CAPN10: variants seen among roughly 807,000 people sequenced by gnomAD.
CAPN10 encodes calpain-10.
A neutral mutation model predicts 78.4 loss-of-function variants in CAPN10; 71 were observed. The observed-to-expected ratio is 0.91, with a 90% CI of 0.75 to 1.10. The LOEUF (loss-of-function observed/expected upper bound fraction) is 1.10, where lower values mean the gene tolerates loss of function less well. Ranked by LOEUF, CAPN10 falls within the 50% of genes least tolerant of loss-of-function variation. The pLI, the probability that CAPN10 is intolerant of heterozygous loss-of-function variation, is 0.00. For synonymous variants in CAPN10, 437 were observed against 407.2 expected (o/e 1.07, Z -0.88); for missense variants, 849 against 924.6 (o/e 0.92, Z 1.06).
At chr2:240,588,031 G>C (rs2093078949) in intron 1 of CAPN10, among the ~76,000 whole-genome samples, 1 of 152,168 alleles carries the variant, frequency 6.6e-6, no homozygotes, top group Non-Finnish European at 1.5e-5. Flanking sequence ...ATTGGTTTGA[G>C]ACGTACCTTG....
Position 240,598,772 on chromosome 2 carries a change from G to A in CAPN10, c.*92G>A, listed in dbSNP as rs1297865213. ...GGCCGGCCAGCCTTGCACTGTGGGG[G>A]CTGGTCCTGAGTCTTGGCCTGCCTC... On this transcript the variant is annotated 3_prime_UTR_variant, in exon 12 of 12. Transcript: ENST00000391984. 21 of 1,263,798 alleles carry A rather than the reference G, an allele frequency of 1.7e-5. No individual in the cohort carries two copies. The Admixed American group carries it at 3.0e-4, about 18-fold the overall frequency. The allele number at this position is 1,263,798 out of a possible 1,614,324, so 78.3% of individuals were successfully genotyped here.
chr2:240,595,404 T>G (rs1190465492), intron 7 of CAPN10, 100 bp downstream of exon 7: 3 of 1,295,738 alleles, frequency 2.3e-6, no homozygotes, highest in Non-Finnish European at 3.2e-6. Context: ...CACATGTGAC[T>G]CTGCCACGGG....
At chr2:240,592,508 G>A in intron 4 of CAPN10, 1 of 501,064 alleles carries the variant, frequency 2.0e-6, no homozygotes, top group Non-Finnish European at 4.0e-6. Context: ...AAAACAGTTT[G>A]TCTCCAAAAA....
At position 240,589,443 on chromosome 2, in the gene CAPN10, C is replaced by T. The variant is rs745593937; in HGVS notation, c.242C>T (p.Ala81Val). Reference protein sequence around the residue: ...GDCWFLCACAALQKSRHLLDQ... With the variant: ...GDCWFLCACAVLQKSRHLLDQ... ...TGCTGGTTCCTGTGTGCCTGCGCCG[C>T]GCTGCAGAAGAGCAGGCACCTCCTG... is the stretch of plus-strand genomic sequence containing the variant. The change falls in exon 2 of 12, where the codon GCG becomes GTG. Residue 81 changes from alanine (A) to valine (V), a missense_variant. Ala to Val is a moderately conservative substitution (Grantham distance 64, BLOSUM62 0). Coordinates refer to ENST00000391984, the MANE Select transcript of CAPN10 (RefSeq NM_023083.4). 1.5e-5 allele frequency: 25 copies of T among 1,613,742 alleles called. No homozygotes were observed. Among genetic ancestry groups the T allele is most frequent in the Middle Eastern group, 1.6e-4 (1 of 6,082 alleles).
chr2:240,587,523 C>T (rs2093076361), intron 1 of CAPN10, among the ~76,000 whole-genome samples: 2 of 152,254 alleles, frequency 1.3e-5, no homozygotes. Context: ...CTAGAAATGG[C>T]ACCTCCAAGG....
Position 240,598,029 on chromosome 2 carries a change from A to G in CAPN10, c.1885A>G (p.Thr629Ala), listed in dbSNP as rs1233194625. 1 of 1,612,930 alleles carries G rather than the reference A, an allele frequency of 6.2e-7. No homozygotes were observed. The highest frequency in any genetic ancestry group is 1.7e-5 in the Admixed American group (1 of 59,996). The part of the protein sequence containing the change: ...PAGTYKVVPS[T>A]YLPDTEGAFT... ...GGGCACCTACAAGGTTGTGCCCTCC[A>G]CCTACCTGCCGGACACAGAGGGGGC... Residue 629 changes from threonine to alanine, a missense_variant, in exon 10 of 12, where the codon ACC (threonine) becomes GCC (alanine). Physicochemically the swap from Thr to Ala is moderately conservative, Grantham distance 58. Transcript: ENST00000391984.
chr2:240,598,553 G>T, intron 11 of CAPN10, 98 bp from the exon 12 acceptor site: 1 of 1,464,452 alleles, frequency 6.8e-7, no homozygotes, highest in Non-Finnish European at 9.4e-7. Context: ...AAGGGCAGGG[G>T]GAGCTGAGGC....
At position 240,586,807 on chromosome 2, in the gene CAPN10, G is replaced by A; in HGVS notation, c.-105G>A. On this transcript the variant is annotated 5_prime_UTR_variant, in exon 1 of 12. Coordinates refer to ENST00000391984, the MANE Select transcript of CAPN10 (RefSeq NM_023083.4). ...CGGGCTTGGAGGGCTGGGCCGGGCG[G>A]GGAACGGGCGGGGCGGGCCGGAGGC... is the stretch of plus-strand genomic sequence containing the variant. 1 of 1,162,608 alleles carries A rather than the reference G, an allele frequency of 8.6e-7. No homozygotes were observed. The highest frequency in any genetic ancestry group is 1.1e-6 in the Non-Finnish European group (1 of 906,356). The allele number at this position is 1,162,608 out of a possible 1,614,324, so 72.0% of individuals were successfully genotyped here. A position where few individuals can be genotyped will look rare whatever the true frequency, so the allele number is the denominator to read the frequency against.
intron 4 of CAPN10, among the ~76,000 whole-genome samples, chr2:240,593,499 G>A (rs936896829): frequency 6.6e-6 from 1 of 152,266 alleles, no homozygotes; most frequent in African/African-American, 2.4e-5. Context: ...CTATCTGAAT[G>A]TCCTACCTCT....
chr2:240,595,446 G>A, intron 7 of CAPN10, 142 bp downstream of exon 7: 1 of 899,392 alleles, frequency 1.1e-6, no homozygotes, highest in Non-Finnish European at 1.7e-6. Context: ...TTGGGCTGTT[G>A]CACGGGGTTG....
At chr2:240,593,676 G>A (rs186964912) in intron 4 of CAPN10, among the ~76,000 whole-genome samples, 164 of 152,326 alleles carry the variant, frequency 1.1e-3, no homozygotes, top group Non-Finnish European at 1.4e-3. Context: ...GACCCGGATG[G>A]CAGCCGAGTC....
chr2:240,592,105 A>C lies in CAPN10; in HGVS notation c.643A>C (p.Lys215Gln), dbSNP rs1422764192. The change falls in exon 4 of 12, where the codon AAG becomes CAG. Residue 215 changes from lysine to glutamine, a missense_variant. Lys to Gln is a moderately conservative substitution (Grantham distance 53). Transcript: ENST00000391984. ...HRTCRQLLHL[K>Q]DQCLISCCVL... Reference sequence around the variant, plus strand: ...GACTTGTCGGCAGCTGCTCCACCTGAAGGACCAGTGTCTGATCAGCTGCTG... The same window carrying C: ...GACTTGTCGGCAGCTGCTCCACCTGCAGGACCAGTGTCTGATCAGCTGCTG... The C allele has an allele frequency of 3.1e-6, 5 of 1,589,584 alleles. No individual in the cohort carries two copies. The highest frequency in any genetic ancestry group is 4.3e-6 in the Non-Finnish European group (5 of 1,169,542).
intron 3 of CAPN10, 148 bp from the exon 4 acceptor site, chr2:240,591,785 G>C (rs1247016821): frequency 3.0e-6 from 2 of 675,774 alleles, no homozygotes; most frequent in Non-Finnish European, 5.0e-6. Flanking sequence ...GCCTTGACTT[G>C]GTGAGGATGA....
At chr2:240,591,434 C>T (rs1226737014) in intron 3 of CAPN10, 3 of 227,316 alleles carry the variant, frequency 1.3e-5, no homozygotes, top group Non-Finnish European at 2.6e-5. Context: ...GCTCAGGGGA[C>T]CAGGACCCTC....
intron 4 of CAPN10, chr2:240,592,606 C>G (rs568597963): frequency 2.4e-6 from 1 of 422,710 alleles, no homozygotes; most frequent in Non-Finnish European, 4.9e-6. Context: ...CCCAGGAGTT[C>G]AAGAGACCCG....
At chr2:240,587,285 C>T (rs1026789107) in intron 1 of CAPN10, among the ~76,000 whole-genome samples, 1 of 152,262 alleles carries the variant, frequency 6.6e-6, no homozygotes. Flanking sequence ...TGGCCTCCGC[C>T]TGCGAGAGCT....
intron 5 of CAPN10, 68 bp from the exon 6 acceptor site, chr2:240,594,475 C>A: frequency 2.6e-6 from 4 of 1,516,542 alleles, no homozygotes; most frequent in Admixed American, 1.8e-5. Context: ...GGCTTCCCCC[C>A]AGCCTGCCGG....
rs904407525 is a variant in CAPN10 at position 240,591,016 on chromosome 2, G to A, written c.470+5G>A. On this transcript the variant is annotated splice_donor_5th_base_variant and intron_variant, in intron 3 of 11. Coordinates refer to ENST00000391984, the MANE Select transcript of CAPN10 (RefSeq NM_023083.4). ...ACTGGAAAAGGTCTACGCCAAGTGC[G>A]TGTGCTGGGGGCTGAAGGGCCTGGC... 3.1e-6 allele frequency: 5 copies of A among 1,612,454 alleles called. No homozygotes were observed. Among genetic ancestry groups the A allele is most frequent in the East Asian group, 2.2e-5 (1 of 44,854 alleles).
In CAPN10 at chr2:240,596,737, A is replaced by T; in HGVS notation, c.1538A>T (p.Glu513Val). ...CCCGGGGCAGCCCTGCCTGCGGGGG[A>T]GTGGGGGACCGTGCAGCTACGGGGT... ...TTPGAALPAGEWGTVQLRGSW... is the reference protein window; with the variant it reads ...TTPGAALPAGVWGTVQLRGSW... Residue 513 changes from glutamate (E) to valine (V), a missense_variant, in exon 9 of 12, where the codon GAG becomes GTG. Glu to Val is a moderately radical substitution (Grantham distance 121). Transcript: ENST00000391984. 6.3e-7 allele frequency: 1 copy of T among 1,594,832 alleles called. No homozygotes were observed.
Sources: allele counts gnomAD v4.1 joint callset (sites outside exome capture counted in the v4.1 genomes callset), GRCh38; gene constraint gnomAD v4.1.1; transcripts MANE v1.5; gene names NCBI Gene and HGNC (gene_info 2026-07-23, HGNC 2026-07-21).